Variants in CHRM3 observed in about 807,000 individuals in gnomAD.
CHRM3 encodes the protein muscarinic acetylcholine receptor M3.
In CHRM3, 11 loss-of-function variants were observed where a neutral mutation model predicts 41.8. The ratio of observed to expected loss-of-function variants is 0.26; its 90% CI spans 0.17 to 0.44. CHRM3 has a LOEUF of 0.44. Among genes scored for constraint, CHRM3 ranks in the 20% least tolerant of loss-of-function variants. The probability of loss-of-function intolerance (pLI) is 1.00; values close to 1 mark genes in which losing one functional copy is unlikely to be tolerated. For missense variants in CHRM3, 571 were observed against 745.4 expected (o/e 0.77, Z 2.72); for synonymous variants, 297 against 301.4 (o/e 0.99, Z 0.15).
intron 5 of CHRM3, among the ~76,000 whole-genome samples, chr1:239,781,946 G>A (rs1255135914): frequency 6.6e-6 from 1 of 152,024 alleles, no homozygotes; most frequent in Non-Finnish European, 1.5e-5. Context: ...AACCAGCCTT[G>A]CATATTTGGG....
rs570202476 is a variant in CHRM3 at position 239,603,380 on chromosome 1, G to T, written c.-312-28844G>T. ...AAAATATCTAAGTTTTTCTGAACAG[G>T]TGCTATCACCAATACCATTCAGTGA... On this transcript the variant is annotated intron_variant, in intron 3 of 6. Transcript: ENST00000676153. Among the ~76,000 whole-genome samples, 9 of 152,150 alleles carry T rather than the reference G, an allele frequency of 5.9e-5. No homozygotes were observed. The South Asian group carries it at 1.9e-3, about 32-fold the overall frequency.
intron 1 of CHRM3, among the ~76,000 whole-genome samples, chr1:239,462,512 T>C (rs1390794001): frequency 6.6e-6 from 1 of 152,180 alleles, no homozygotes; most frequent in African/African-American, 2.4e-5. Flanking sequence ...AAAAACAGAA[T>C]TTCAATTTGT....
intron 1 of CHRM3, among the ~76,000 whole-genome samples, chr1:239,444,632 A>G (rs1454415414): frequency 1.3e-5 from 2 of 152,156 alleles, no homozygotes; most frequent in African/African-American, 4.8e-5. Flanking sequence ...GAAATCCACT[A>G]GATGATACAA....
intron 5 of CHRM3, among the ~76,000 whole-genome samples, chr1:239,826,476 T>C (rs1672473667): frequency 6.6e-6 from 1 of 152,188 alleles, no homozygotes; most frequent in African/African-American, 2.4e-5. Flanking sequence ...TTCAGTATTA[T>C]GTGGCAGCCA....
intron 4 of CHRM3, among the ~76,000 whole-genome samples, chr1:239,671,511 C>T (rs1573226179): frequency 6.6e-6 from 1 of 152,070 alleles, no homozygotes; most frequent in East Asian, 1.9e-4. Context: ...GAGGTGAAGC[C>T]TGCAGCAAGC....
intron 5 of CHRM3, among the ~76,000 whole-genome samples, chr1:239,739,972 C>G (rs1664699172): frequency 6.6e-6 from 1 of 152,008 alleles, no homozygotes; most frequent in African/African-American, 2.4e-5. Flanking sequence ...GGGGCTTCAT[C>G]TCTCTCTGGG....
chr1:239,470,958 T>C (rs760977757), intron 1 of CHRM3, among the ~76,000 whole-genome samples: 31 of 152,182 alleles, frequency 2.0e-4, no homozygotes, highest in African/African-American at 9.7e-5. Flanking sequence ...AATTTTTTCA[T>C]TACATTCACT....
intron 6 of CHRM3, among the ~76,000 whole-genome samples, chr1:239,879,716 T>A (rs1180031451): frequency 6.6e-6 from 1 of 152,146 alleles, no homozygotes; most frequent in Non-Finnish European, 1.5e-5. Flanking sequence ...TCTTCCTTCT[T>A]GTCTCTCCAG....
chr1:239,753,473 T>C (rs978522426), intron 5 of CHRM3, among the ~76,000 whole-genome samples: 15 of 152,040 alleles, frequency 9.9e-5, no homozygotes, highest in Admixed American at 9.8e-4. Flanking sequence ...ATGGCCAGCA[T>C]GAGAAAGAGA....
intron 6 of CHRM3, among the ~76,000 whole-genome samples, chr1:239,889,101 A>G (rs1229473891): frequency 6.6e-6 from 1 of 152,188 alleles, no homozygotes; most frequent in Non-Finnish European, 1.5e-5. Flanking sequence ...GGCGTAAGAA[A>G]CAGAATAGCT....
chr1:239,581,931 T>A (rs2148593185), intron 3 of CHRM3, among the ~76,000 whole-genome samples: 1 of 152,296 alleles, frequency 6.6e-6, no homozygotes, highest in East Asian at 1.9e-4. Flanking sequence ...ATTTATGGTA[T>A]CATTATTTGT....
chr1:239,839,410 G>C (rs111916047), intron 6 of CHRM3, among the ~76,000 whole-genome samples: 3 of 152,204 alleles, frequency 2.0e-5, no homozygotes, highest in Non-Finnish European at 2.9e-5. Context: ...ACAGATCTCT[G>C]TTGGGCTTTT....
At chr1:239,746,274 T>C (rs1558507174) in intron 5 of CHRM3, among the ~76,000 whole-genome samples, 1 of 152,244 alleles carries the variant, frequency 6.6e-6, no homozygotes, top group Admixed American at 6.5e-5. Context: ...TAATAGATAC[T>C]GAGTGTAAAG....
In CHRM3 at chr1:239,690,345, G is replaced by T. The variant is rs141982834; in HGVS notation, c.-147+12057G>T. ...AGCAATTCTCCTGCCTCAGTATCCC[G>T]AGTAGCTGGGGCTACAGGCGTGCAC... On this transcript the variant is annotated intron_variant, in intron 5 of 6. Coordinates refer to ENST00000676153, the MANE Select transcript of CHRM3 (RefSeq NM_001375978.1). Among the ~76,000 whole-genome samples the T allele has an allele frequency of 4.1e-4, 63 of 152,026 alleles. 1 individual carries two copies. The highest frequency in any genetic ancestry group is 1.2e-3 in the African/African-American group (51 of 41,472).
chr1:239,735,972 A>T (rs913961566), intron 5 of CHRM3, among the ~76,000 whole-genome samples: 1 of 152,058 alleles, frequency 6.6e-6, no homozygotes, highest in Non-Finnish European at 1.5e-5. Flanking sequence ...ATTAATGACA[A>T]CTTGATCCCC....
intron 3 of CHRM3, among the ~76,000 whole-genome samples, chr1:239,550,659 A>G (rs1367273487): frequency 6.6e-6 from 1 of 152,188 alleles, no homozygotes; most frequent in African/African-American, 2.4e-5. Context: ...ACTTACCGTG[A>G]TGTTTATATC....
intron 5 of CHRM3, among the ~76,000 whole-genome samples, chr1:239,730,197 A>G (rs1054760913): frequency 4.6e-5 from 7 of 152,118 alleles, no homozygotes; most frequent in Admixed American, 3.3e-4. Flanking sequence ...TTTATCCTCA[A>G]TTTTAACTTT....
intron 1 of CHRM3, among the ~76,000 whole-genome samples, chr1:239,406,596 CAAAG>C (rs995935781): frequency 1.3e-5 from 2 of 152,156 alleles, no homozygotes; most frequent in African/African-American, 4.8e-5. Flanking sequence ...CTCATTCCAG[CAAAG>C]AAATAACTAA....
At chr1:239,846,766 C>T (rs1390446622) in intron 6 of CHRM3, among the ~76,000 whole-genome samples, 1 of 152,162 alleles carries the variant, frequency 6.6e-6, no homozygotes, top group Non-Finnish European at 1.5e-5. Context: ...TGCTACAGTA[C>T]TTCTGTGAGT....
Sources: gnomAD v4.1 joint callset for allele counts (sites outside exome capture counted in the v4.1 genomes callset) on GRCh38, gnomAD v4.1.1 for gene constraint, MANE v1.5 for transcripts, NCBI Gene and HGNC (gene_info 2026-07-23, HGNC 2026-07-21) for gene names.